Variants in BPTF observed in about 807,000 individuals in gnomAD.
BPTF encodes bromodomain PHD finger transcription factor.
BPTF carries 18 observed loss-of-function variants against 292.5 expected under a neutral mutation model. That is an observed-to-expected ratio of 0.06 (90% CI 0.04 to 0.09). The LOEUF is 0.09. Among genes scored for constraint, BPTF ranks in the 10% least tolerant of loss-of-function variants. The pLI is 1.00. For missense variants in BPTF, 2,726 were observed against 3,498.7 expected, an observed-to-expected ratio of 0.78 and a Z score of 5.57; for synonymous variants, 1,225 against 1,251.9, an observed-to-expected ratio of 0.98 and a Z score of 0.45.
At chr17:67,925,967 C>T (rs1278992431) in intron 15 of BPTF, among the ~76,000 whole-genome samples, 1 of 130,042 alleles carries the variant, frequency 7.7e-6, no homozygotes, top group Admixed American at 7.8e-5. Flanking sequence ...GTTTTCTCAT[C>T]TCTGCAATGT....
rs1380442804 is a variant in BPTF, at chr17:67,825,670, C to T, written c.-55C>T. 1.3e-4 allele frequency: 56 copies of T among 431,562 alleles called. No homozygotes were observed. The highest frequency in any genetic ancestry group is 1.0e-3 in the Admixed American group (17 of 16,662). 26.7% of individuals were successfully genotyped at this position (431,562 alleles called of 1,614,324 possible). ...CGGCCCCGGCGCTCCCCACCGCCCC[C>T]CCTGCGCCCGCCCCTCCCCCTTCGC... On this transcript the variant is annotated 5_prime_UTR_variant, in exon 1 of 28. Transcript: ENST00000306378.
At chr17:67,840,488 C>G (rs917424510) in intron 1 of BPTF, among the ~76,000 whole-genome samples, 18 of 151,666 alleles carry the variant, frequency 1.2e-4, no homozygotes, top group African/African-American at 4.1e-4. Context: ...TGCTGCTGCT[C>G]CTCCGCCTCC....
At position 67,868,872 on chromosome 17, in the gene BPTF, A is replaced by G. The variant is rs567944294; in HGVS notation, c.1660+2185A>G. 4.6e-5 allele frequency among the ~76,000 whole-genome samples: 7 copies of G among 152,348 alleles called. No individual in the cohort carries two copies. The East Asian group carries it at 1.3e-3, about 29-fold the overall frequency. ...CATATAAATACTGTTGGGCACAAATATACTTTGTCTTCAGAAAAAAGCATT... is the reference window on the plus strand; with the variant it reads ...CATATAAATACTGTTGGGCACAAATGTACTTTGTCTTCAGAAAAAAGCATT... On this transcript the variant is annotated intron_variant, in intron 3 of 27. Coordinates refer to ENST00000306378, the MANE Select transcript of BPTF (RefSeq NM_182641.4).
Position 67,959,583 on chromosome 17 carries a change from C to G in BPTF, c.7969C>G (p.Leu2657Val). The change falls in exon 24 of 28, where the codon CTG becomes GTG. Residue 2657 changes from leucine to valine, a missense_variant. By Grantham distance (32) the Leu-to-Val change is conservative. Transcript: ENST00000306378. The part of the protein sequence containing the change: ...RDLKIKKEKD[L>V]MQLAQATAVA... ...CCTGAAAATTAAGAAAGAAAAAGAC[C>G]TGATGCAGTTGGCTCAGGCCACAGC... 6.5e-7 allele frequency: 1 copy of G among 1,538,344 alleles called. No individual in the cohort carries two copies. The highest frequency in any genetic ancestry group is 1.3e-5 in the South Asian group (1 of 77,164).
chr17:67,843,740 T>C (rs1567881272), intron 1 of BPTF, among the ~76,000 whole-genome samples: 2 of 147,564 alleles, frequency 1.4e-5, no homozygotes, highest in Non-Finnish European at 3.0e-5. Flanking sequence ...TTTTAAATTG[T>C]CTGGAGCAGT....
intron 23 of BPTF, among the ~76,000 whole-genome samples, chr17:67,948,567 T>C (rs550896652): frequency 4.6e-5 from 7 of 152,310 alleles, no homozygotes; most frequent in Non-Finnish European, 8.8e-5. Flanking sequence ...TGAAAAACTC[T>C]GAGAAGAGCT....
At position 67,854,898 on chromosome 17, in the gene BPTF, T is replaced by G; in HGVS notation, c.1436+136T>G. The G allele has an allele frequency of 1.5e-6, 1 of 657,416 alleles. No individual in the cohort carries two copies. Among genetic ancestry groups the G allele is most frequent in the East Asian group, 2.7e-5 (1 of 36,536 alleles). 40.7% of individuals were successfully genotyped at this position (657,416 alleles called of 1,614,324 possible). ...AATAGTTATACAGTTAAATAATTTC[T>G]TAATTGAAGGAATATGTGCATTAAA... On this transcript the variant is annotated intron_variant, in intron 2 of 27. Coordinates refer to ENST00000306378, the MANE Select transcript of BPTF (RefSeq NM_182641.4). This position sits in a 1 kb window ranked among gnomAD's most constrained non-coding sequence, Gnocchi z 5.6.
intron 27 of BPTF, among the ~76,000 whole-genome samples, chr17:67,979,183 A>AAAG (rs1483819813): frequency 6.6e-6 from 1 of 150,574 alleles, no homozygotes; most frequent in Non-Finnish European, 1.5e-5. Flanking sequence ...AAAAAAAAAA[A>AAAG]AAAAAAAGGC....
At chr17:67,848,821 C>G (rs910696953) in intron 1 of BPTF, among the ~76,000 whole-genome samples, 1 of 152,112 alleles carries the variant, frequency 6.6e-6, no homozygotes, top group African/African-American at 2.4e-5. Context: ...ATTACTCCGT[C>G]GAGGTAATAA....
At position 67,916,355 on chromosome 17, in the gene BPTF, C is replaced by T. The variant is rs917053024; in HGVS notation, c.5304-2359C>T. Among the ~76,000 whole-genome samples the T allele has an allele frequency of 2.0e-5, 3 of 152,022 alleles. No homozygotes were observed. In the East Asian group the frequency reaches 5.8e-4, roughly 29 times the overall value. ...CACGCCTCCCAGCACTTTGGGAGGCCGAGGCAGGTGGATCACCTGAGGTCA... is the reference window on the plus strand; with the variant it reads ...CACGCCTCCCAGCACTTTGGGAGGCTGAGGCAGGTGGATCACCTGAGGTCA... On this transcript the variant is annotated intron_variant, in intron 11 of 27. Transcript: ENST00000306378.
At position 67,874,793 on chromosome 17, in the gene BPTF, TTTTG is replaced by T. The variant is rs752572545; in HGVS notation, c.1661-16_1661-13del. The T allele has an allele frequency of 2.0e-6, 3 of 1,518,400 alleles. No homozygotes were observed. Among genetic ancestry groups the T allele is most frequent in the South Asian group, 1.2e-5 (1 of 84,702 alleles). The allele number at this position is 1,518,400 out of a possible 1,614,324, so 94.1% of individuals were successfully genotyped here. ...ATTTGGTTATATATAGGAATAATTTTTTTGTTTGTTTTACACATTATAGAAGAAA... is the reference window on the plus strand; with the variant it reads ...ATTTGGTTATATATAGGAATAATTTTTTTGTTTTACACATTATAGAAGAAA... On this transcript the variant is annotated intron_variant, in intron 3 of 27. Coordinates refer to ENST00000306378, the MANE Select transcript of BPTF (RefSeq NM_182641.4).
chr17:67,883,231 G>T (rs1371402878), intron 4 of BPTF, among the ~76,000 whole-genome samples: 1 of 151,482 alleles, frequency 6.6e-6, no homozygotes, highest in Admixed American at 6.6e-5. Flanking sequence ...CAGGAGAATC[G>T]CTTGAACCCA....
rs141818046 is a variant in BPTF, at chr17:67,928,331, G to A, written c.5752-24G>A. On this transcript the variant is annotated intron_variant, in intron 15 of 27. Coordinates refer to ENST00000306378, the MANE Select transcript of BPTF (RefSeq NM_182641.4). ...TTTATTTAGAACTATTTTGATTCAT[G>A]TTTCCTCTCCTTCACTTTTTTAGAA... is the stretch of plus-strand genomic sequence containing the variant. 11 of 1,583,656 alleles carry A rather than the reference G, an allele frequency of 6.9e-6. No homozygotes were observed. In the East Asian group the frequency reaches 1.6e-4, roughly 23 times the overall value.
At chr17:67,941,701 C>T (rs2065379894) in intron 19 of BPTF, among the ~76,000 whole-genome samples, 1 of 152,130 alleles carries the variant, frequency 6.6e-6, no homozygotes, top group African/African-American at 2.4e-5. Flanking sequence ...TTACCTCACT[C>T]TACATAAACT....
Position 67,922,926 on chromosome 17 carries a change from A to G in BPTF, c.5644A>G (p.Ile1882Val), listed in dbSNP as rs1286432780. 1 of 1,614,160 alleles carries G rather than the reference A, an allele frequency of 6.2e-7. No homozygotes were observed. Among genetic ancestry groups the G allele is most frequent in the Non-Finnish European group, 8.5e-7 (1 of 1,180,040 alleles). The change falls in exon 14 of 28, where the codon ATT becomes GTT. Residue 1882 changes from isoleucine (I) to valine (V), a missense_variant. Transcript: ENST00000306378. Reference protein sequence around the residue: ...PETPKQTGPVIIETWVAEEEL... With the variant: ...PETPKQTGPVVIETWVAEEEL... ...AACGCCCAAGCAAACTGGCCCTGTT[A>G]TTATTGAAACCTGGGTAGCAGAAGA...
chr17:67,941,188 C>T (rs2065333698), intron 19 of BPTF, among the ~76,000 whole-genome samples: 1 of 152,190 alleles, frequency 6.6e-6, no homozygotes, highest in South Asian at 2.1e-4. Flanking sequence ...TGGTGGCTTG[C>T]GCCTGTAATC....
Position 67,901,778 on chromosome 17 carries a change from G to A in BPTF, c.2544-2011G>A, listed in dbSNP as rs1248624486. On this transcript the variant is annotated intron_variant, in intron 7 of 27. Coordinates refer to ENST00000306378, the MANE Select transcript of BPTF (RefSeq NM_182641.4). ...ATGAGTGAAGGTGTAGGAACGCAGGGTGGCTTTATGATTGCACTGTTCTGA... is the reference window on the plus strand; with the variant it reads ...ATGAGTGAAGGTGTAGGAACGCAGGATGGCTTTATGATTGCACTGTTCTGA... 2.0e-5 allele frequency among the ~76,000 whole-genome samples: 3 copies of A among 152,196 alleles called. 1 individual carries two copies. Among genetic ancestry groups the A allele is most frequent in the Non-Finnish European group, 2.9e-5 (2 of 68,036 alleles).
At chr17:67,883,110 C>G (rs117234918) in intron 4 of BPTF, among the ~76,000 whole-genome samples, 4 of 151,638 alleles carry the variant, frequency 2.6e-5, no homozygotes, top group Admixed American at 6.6e-5. Flanking sequence ...ATCAGGAGTT[C>G]GAGACCAGCC....
intron 2 of BPTF, among the ~76,000 whole-genome samples, chr17:67,865,924 G>A (rs2059368096): frequency 6.6e-6 from 1 of 152,260 alleles, no homozygotes; most frequent in East Asian, 1.9e-4. Flanking sequence ...ACTTAGCAAA[G>A]CATTTACACC....
Sources: allele counts gnomAD v4.1 joint callset (sites outside exome capture counted in the v4.1 genomes callset), GRCh38; gene constraint gnomAD v4.1.1; non-coding constraint Gnocchi (gnomAD v3.1); transcripts MANE v1.5; gene names NCBI Gene and HGNC (gene_info 2026-07-23, HGNC 2026-07-21).